The following DAB1 variants were observed in gnomAD, a reference collection of about 807,000 sequenced individuals.
DAB1 encodes the protein DAB adaptor protein 1, also known as disabled homolog 1.
DAB1 carries 15 observed loss-of-function variants against 64.6 expected under a neutral mutation model. The observed-to-expected ratio is 0.23, with a 90% CI of 0.16 to 0.36. The LOEUF (loss-of-function observed/expected upper bound fraction) is 0.36, where lower values mean the gene tolerates loss of function less well. Among genes scored for constraint, DAB1 ranks in the 10% least tolerant of loss-of-function variants. The pLI is 1.00. For synonymous variants in DAB1, 235 were observed against 251.9 expected (o/e 0.93, Z 0.64); for missense variants, 596 against 706.7 (o/e 0.84, Z 1.78).
intron 4 of DAB1, among the ~76,000 whole-genome samples, chr1:58,210,021 T>C (rs1463575896): frequency 6.6e-6 from 1 of 152,196 alleles, no homozygotes; most frequent in Non-Finnish European, 1.5e-5. Flanking sequence ...GATGTAGCAA[T>C]AATAATAGTG....
intron 7 of DAB1, among the ~76,000 whole-genome samples, chr1:57,601,012 G>A (rs1468901971): frequency 1.3e-5 from 2 of 151,370 alleles, no homozygotes; most frequent in Non-Finnish European, 2.9e-5. Flanking sequence ...TAAAAAGAGA[G>A]TTTTTTTTTA....
intron 4 of DAB1, among the ~76,000 whole-genome samples, chr1:58,245,913 A>C (rs1660508209): frequency 6.6e-6 from 1 of 152,222 alleles, no homozygotes; most frequent in South Asian, 2.1e-4. Context: ...CGTATAAGGT[A>C]TGAAGATGAT....
chr1:58,524,169 C>T (rs951539146), intron 2 of DAB1, among the ~76,000 whole-genome samples: 20 of 152,184 alleles, frequency 1.3e-4, no homozygotes, highest in Admixed American at 2.0e-4. Context: ...AATCTTGATG[C>T]TCATTAATAA....
intron 5 of DAB1, among the ~76,000 whole-genome samples, chr1:58,104,122 T>C (rs1482181948): frequency 6.6e-6 from 1 of 152,228 alleles, no homozygotes; most frequent in Admixed American, 6.5e-5. Flanking sequence ...TTTCATCACA[T>C]ACATATAGCA....
chr1:58,414,844 T>C (rs1644703463), intron 3 of DAB1, among the ~76,000 whole-genome samples: 1 of 152,174 alleles, frequency 6.6e-6, no homozygotes, highest in Non-Finnish European at 1.5e-5. Flanking sequence ...CATGATATGG[T>C]AAAATCTTAG....
Position 58,396,763 on chromosome 1 carries a change from T to A in DAB1, n.258-53360A>T, listed in dbSNP as rs188463715. Among the ~76,000 whole-genome samples the A allele has an allele frequency of 8.6e-5, 13 of 151,884 alleles. No homozygotes were observed. The East Asian group carries it at 2.5e-3, about 29-fold the overall frequency. On this transcript the variant is annotated intron_variant and non_coding_transcript_variant, in intron 3 of 20. Coordinates refer to the DAB1 transcript ENST00000485760. The stretch of plus-strand genomic sequence containing the variant: ...AACAAAGCAGCAAAGCACAGGGACA[T>A]AAAGAAACAGAGAGGGAGTCCGGGC...
chr1:57,458,989 G>A (rs557704920), intron 7 of DAB1, among the ~76,000 whole-genome samples: 1 of 152,078 alleles, frequency 6.6e-6, no homozygotes, highest in Non-Finnish European at 1.5e-5. Flanking sequence ...ATAATCAAAA[G>A]AGAAACATGT....
At position 57,334,111 on chromosome 1, in the gene DAB1, G is replaced by A. The variant is rs6669221; in HGVS notation, c.-136-42945C>T. ...GGCCAAGTACAAGCAGTCTCAATGCGTATAAGTGGGGAAGTAAGGCCCAGC... is the reference window on the plus strand; with the variant it reads ...GGCCAAGTACAAGCAGTCTCAATGCATATAAGTGGGGAAGTAAGGCCCAGC... On this transcript the variant is annotated intron_variant, in intron 1 of 14. Transcript: ENST00000371236. Among the ~76,000 whole-genome samples the A allele has an allele frequency of 5.9e-3, 901 of 152,288 alleles. 10 individuals carry two copies. Among genetic ancestry groups the A allele is most frequent in the African/African-American group, 0.018 (744 of 41,558 alleles).
At position 58,377,797 on chromosome 1, in the gene DAB1, C is replaced by T. The variant is rs565915583; in HGVS notation, n.258-34394G>A. Among the ~76,000 whole-genome samples, 169 of 139,346 alleles carry T rather than the reference C, an allele frequency of 1.2e-3. 23 individuals are homozygous for T. Among genetic ancestry groups the T allele is most frequent in the African/African-American group, 4.4e-3 (165 of 37,378 alleles). The allele number at this position is 139,346 out of a possible 152,430, so 91.4% of individuals were successfully genotyped here. On this transcript the variant is annotated intron_variant and non_coding_transcript_variant, in intron 3 of 20. Transcript: ENST00000485760. Reference sequence around the variant, plus strand: ...TGTTTTCCAACTTGGTTCCATTCTCCGCATCACTTTCAGGTACACCAATCA... The same window carrying T: ...TGTTTTCCAACTTGGTTCCATTCTCTGCATCACTTTCAGGTACACCAATCA...
At chr1:57,309,712 G>C (rs1403651886) in intron 1 of DAB1, among the ~76,000 whole-genome samples, 1 of 151,526 alleles carries the variant, frequency 6.6e-6, no homozygotes, top group African/African-American at 2.4e-5. Flanking sequence ...GCTCTACTCA[G>C]AGATGAAAAA....
intron 4 of DAB1, among the ~76,000 whole-genome samples, chr1:58,268,164 T>C (rs1661219374): frequency 6.6e-6 from 1 of 152,178 alleles, no homozygotes; most frequent in Admixed American, 6.5e-5. Flanking sequence ...GGTGATAATA[T>C]ATATCTTTAA....
At chr1:57,063,670 G>A (rs1347975933) in intron 8 of DAB1, among the ~76,000 whole-genome samples, 1 of 152,190 alleles carries the variant, frequency 6.6e-6, no homozygotes, top group African/African-American at 2.4e-5. Context: ...AGGTTATTCT[G>A]AGGATGGAGT....
At chr1:57,936,162 T>A (rs1645021814) in intron 5 of DAB1, among the ~76,000 whole-genome samples, 1 of 152,328 alleles carries the variant, frequency 6.6e-6, no homozygotes, top group East Asian at 1.9e-4. Context: ...CAATAAATAA[T>A]CAGCCTTGAG....
At chr1:57,683,666 C>T (rs924927437) in intron 6 of DAB1, among the ~76,000 whole-genome samples, 20 of 152,088 alleles carry the variant, frequency 1.3e-4, no homozygotes, top group African/African-American at 9.7e-5. Flanking sequence ...GGAACACCAG[C>T]GCTCTACCAA....
downstream of DAB1, among the ~76,000 whole-genome samples, chr1:57,821,451 A>G (rs140935826): frequency 1.8e-3 from 272 of 152,294 alleles, 1 homozygote; most frequent in African/African-American, 6.3e-3. Context: ...TCCATTTGTC[A>G]CATCTATGAT....
intron 3 of DAB1, among the ~76,000 whole-genome samples, chr1:58,490,568 T>C (rs1645663241): frequency 6.6e-6 from 1 of 152,000 alleles, no homozygotes; most frequent in Non-Finnish European, 1.5e-5. Context: ...CAGGCCAACA[T>C]TCAAATTCAG....
At chr1:57,353,728 G>T (rs751597986) in intron 1 of DAB1, among the ~76,000 whole-genome samples, 1 of 152,126 alleles carries the variant, frequency 6.6e-6, no homozygotes, top group African/African-American at 2.4e-5. Context: ...ACTTCTCCAC[G>T]TTGCTTTTGC....
At chr1:57,612,167 T>C (rs1417022424) in intron 7 of DAB1, among the ~76,000 whole-genome samples, 1 of 151,856 alleles carries the variant, frequency 6.6e-6, no homozygotes, top group Admixed American at 6.6e-5. Flanking sequence ...TCCTATGCCA[T>C]TTTCACATAT....
intron 7 of DAB1, among the ~76,000 whole-genome samples, chr1:57,484,562 G>A (rs1644065897): frequency 6.6e-6 from 1 of 152,212 alleles, no homozygotes; most frequent in Admixed American, 6.5e-5. Flanking sequence ...GGAGACCAGG[G>A]AGGAGCTTGC....
Sources: gnomAD v4.1 joint callset for allele counts (sites outside exome capture counted in the v4.1 genomes callset) on GRCh38, gnomAD v4.1.1 for gene constraint, MANE v1.5 for transcripts, NCBI Gene and HGNC (gene_info 2026-07-23, HGNC 2026-07-21) for gene names.